Variants in PREP observed in about 807,000 individuals in gnomAD.
PREP encodes the protein prolyl endopeptidase.
PREP carries 29 observed loss-of-function variants against 87.6 expected under a neutral mutation model. The observed-to-expected ratio is 0.33, with a 90% confidence interval of 0.25 to 0.45. The LOEUF (loss-of-function observed/expected upper bound fraction) is 0.45. PREP is among the 20% of genes least tolerant of loss of function. PREP has a pLI of 1.00. For synonymous variants in PREP, 337 were observed against 328.6 expected, an observed-to-expected ratio of 1.03 and a Z score of -0.28; for missense variants, 695 against 886.5, an observed-to-expected ratio of 0.78 and a Z score of 2.74.
chr6:105,373,007 T>C (rs911016466), intron 5 of PREP, among the ~76,000 whole-genome samples: 3 of 152,164 alleles, frequency 2.0e-5, no homozygotes, highest in Admixed American at 6.5e-5. Context: ...TGAGTTGCCA[T>C]GTGAGCAAGC....
At chr6:105,344,600 T>G (rs1039362392) in intron 7 of PREP, among the ~76,000 whole-genome samples, 2 of 151,708 alleles carry the variant, frequency 1.3e-5, no homozygotes, top group Non-Finnish European at 2.9e-5. Flanking sequence ...AAACACTGCA[T>G]GTTCTCACTC....
chr6:105,340,404 G>A (rs571382973), intron 7 of PREP, among the ~76,000 whole-genome samples: 2 of 152,272 alleles, frequency 1.3e-5, no homozygotes, highest in Admixed American at 6.5e-5. Context: ...ACTAAACATG[G>A]AAAGGAACAA....
At chr6:105,352,029 C>G (rs55728115) in intron 7 of PREP, among the ~76,000 whole-genome samples, 32,218 of 152,094 alleles carry the variant, frequency 0.21, 5,620 homozygotes, top group African/African-American at 0.48. Context: ...GATGCTCAAT[C>G]AGACAAATAT....
At chr6:105,333,616 G>C (rs1393907514) in intron 7 of PREP, 111 bp from the exon 8 acceptor site, 1 of 1,122,996 alleles carries the variant, frequency 8.9e-7, no homozygotes, top group African/African-American at 1.5e-5. Context: ...ATAAAGCAGA[G>C]ATATTTGGAA....
intron 6 of PREP, among the ~76,000 whole-genome samples, chr6:105,357,349 C>T (rs572606359): frequency 6.6e-6 from 1 of 152,284 alleles, no homozygotes; most frequent in South Asian, 2.1e-4. Context: ...CACACCAAAC[C>T]TTTGATGACA....
At chr6:105,286,031 C>T (rs1562186892) in intron 11 of PREP, among the ~76,000 whole-genome samples, 1 of 152,158 alleles carries the variant, frequency 6.6e-6, no homozygotes, top group Non-Finnish European at 1.5e-5. Flanking sequence ...CTGCTTTGGC[C>T]TCCCAAAGTG....
chr6:105,314,261 G>A (rs868664142), intron 10 of PREP, among the ~76,000 whole-genome samples: 11 of 152,276 alleles, frequency 7.2e-5, no homozygotes, highest in Admixed American at 2.6e-4. Flanking sequence ...TGATTGGGAT[G>A]GTGGTTGCTG....
rs1158305643 is a variant in PREP, at chr6:105,280,813, T to G, written c.1838+933A>C. 2.0e-5 allele frequency: 3 copies of G among 152,300 alleles called. No individual in the cohort carries two copies. The East Asian group carries it at 5.8e-4, about 29-fold the overall frequency. 9.4% of individuals were successfully genotyped at this position (152,300 alleles called of 1,614,324 possible). ...GTCTTGAACTCCTAAGCTCAAGTGATCTACCTTGGCCTCCCAAAGTGCTGG... is the reference window on the plus strand; with the variant it reads ...GTCTTGAACTCCTAAGCTCAAGTGAGCTACCTTGGCCTCCCAAAGTGCTGG... On this transcript the variant is annotated intron_variant, in intron 14 of 14. Coordinates refer to ENST00000652536, the MANE Select transcript of PREP (RefSeq NM_002726.5).
At chr6:105,328,649 C>T (rs1204668568) in intron 9 of PREP, among the ~76,000 whole-genome samples, 180 bp downstream of exon 9, 4 of 152,098 alleles carry the variant, frequency 2.6e-5, no homozygotes, top group Admixed American at 2.0e-4. Context: ...CCATTTTAGG[C>T]GTTTACATTT....
intron 14 of PREP, among the ~76,000 whole-genome samples, chr6:105,279,836 T>G (rs1156494002): frequency 6.6e-6 from 1 of 152,238 alleles, no homozygotes; most frequent in East Asian, 1.9e-4. Flanking sequence ...GTATTAGGTG[T>G]CATCTAATAT....
chr6:105,366,853 C>G (rs894255860), intron 6 of PREP, among the ~76,000 whole-genome samples: 6 of 152,008 alleles, frequency 3.9e-5, no homozygotes, highest in Non-Finnish European at 8.8e-5. Flanking sequence ...TGTAAGACGA[C>G]ATGTGTATGA....
chr6:105,398,302 C>G (rs1301376197), intron 1 of PREP, among the ~76,000 whole-genome samples: 2 of 152,168 alleles, frequency 1.3e-5, no homozygotes, highest in African/African-American at 2.4e-5. Context: ...AAGAAGGGCA[C>G]GTCAGGGAGG....
rs1021461367 is a variant in PREP, at chr6:105,329,115, T to C, written c.1016-89A>G. ...TGAGCAACAGTTCCAGAGCTACACA[T>C]AGGGCTATGCAGCAATGAGACTTGC... On this transcript the variant is annotated intron_variant, in intron 8 of 14. Coordinates refer to ENST00000652536, the MANE Select transcript of PREP (RefSeq NM_002726.5). The C allele has an allele frequency of 5.7e-6, 7 of 1,232,480 alleles. No homozygotes were observed. The African/African-American group carries it at 7.6e-5, about 13-fold the overall frequency. 76.3% of individuals were successfully genotyped at this position (1,232,480 alleles called of 1,614,324 possible).
At chr6:105,383,962 T>G (rs1772918815) in intron 2 of PREP, among the ~76,000 whole-genome samples, 2 of 152,146 alleles carry the variant, frequency 1.3e-5, no homozygotes, top group Non-Finnish European at 2.9e-5. Context: ...AATAATTCTG[T>G]ATCAATGAGG....
intron 2 of PREP, among the ~76,000 whole-genome samples, chr6:105,382,160 T>C (rs1772858067): frequency 6.6e-6 from 1 of 151,848 alleles, no homozygotes; most frequent in Non-Finnish European, 1.5e-5. Flanking sequence ...GGGGGAGATG[T>C]TGGTAAAAGG....
At chr6:105,377,599 A>G (rs1772720136) in intron 2 of PREP, 80 bp from the exon 3 acceptor site, 1 of 1,466,976 alleles carries the variant, frequency 6.8e-7, no homozygotes, top group African/African-American at 1.4e-5. Flanking sequence ...TATGTATCAG[A>G]AAAAGCACAC....
chr6:105,288,210 AGTTCCCAAACAACCT>A (rs1432474165), intron 11 of PREP, among the ~76,000 whole-genome samples: 2 of 152,202 alleles, frequency 1.3e-5, no homozygotes, highest in Non-Finnish European at 2.9e-5. Flanking sequence ...CTCCCAATCC[AGTTCCCAAACAACCT>A]GTTACACTGA....
In PREP at chr6:105,337,919, C is replaced by G. The variant is rs532325646; in HGVS notation, c.824-4414G>C. Among the ~76,000 whole-genome samples the G allele has an allele frequency of 3.2e-4, 49 of 152,230 alleles. 1 individual carries two copies. The Middle Eastern group carries it at 0.01, about 32-fold the overall frequency. On this transcript the variant is annotated intron_variant, in intron 7 of 14. Coordinates refer to ENST00000652536, the MANE Select transcript of PREP (RefSeq NM_002726.5). ...GCAATTAACTTTGTTTATCCAGTGA[C>G]AAACTACTAACCTCAAAAGACTACT...
chr6:105,302,604 T>C, intron 10 of PREP: 1 of 443,000 alleles, frequency 2.3e-6, no homozygotes, highest in Non-Finnish European at 4.4e-6. Flanking sequence ...CTCTTGCCCT[T>C]GTAGAATTTC....
Sources: gnomAD v4.1 joint callset for allele counts (sites outside exome capture counted in the v4.1 genomes callset) on GRCh38, gnomAD v4.1.1 for gene constraint, MANE v1.5 for transcripts, NCBI Gene and HGNC (gene_info 2026-07-23, HGNC 2026-07-21) for gene names.